Variants in MED17 observed in about 807,000 individuals in gnomAD.
MED17 encodes the protein mediator complex subunit 17.
Under a neutral mutation model 80.8 loss-of-function variants are expected in MED17, and 49 were observed. The ratio of observed to expected loss-of-function variants is 0.61; its 90% CI spans 0.48 to 0.77. The LOEUF is 0.77. Ranked by LOEUF, MED17 falls within the 30% of genes least tolerant of loss-of-function variation. The pLI, the probability that MED17 is intolerant of heterozygous loss-of-function variation, is 0.00. For synonymous variants in MED17, 281 were observed against 280.4 expected (o/e 1.00, Z -0.02); for missense variants, 718 against 787.0 (o/e 0.91, Z 1.05).
intron 10 of MED17, chr11:93,808,369 TAAAAAAAAAA>T: frequency 9.3e-6 from 1 of 107,734 alleles, no homozygotes; most frequent in Non-Finnish European, 1.8e-5. Context: ...CATCTCTTTT[TAAAAAAAAAA>T]AAAAAAAAAA....
chr11:93,806,855 T>G (rs940680595), intron 9 of MED17: 4 of 152,236 alleles, frequency 2.6e-5, no homozygotes, highest in Non-Finnish European at 5.9e-5. Context: ...GTGGAAACCA[T>G]GCCTATGGAG....
chr11:93,805,054 A>T (rs780040841), intron 9 of MED17, among the ~76,000 whole-genome samples: 2 of 152,266 alleles, frequency 1.3e-5, no homozygotes, highest in Non-Finnish European at 2.9e-5. Flanking sequence ...AGAAATGCAG[A>T]CAAGACACAT....
At chr11:93,793,634 A>T in intron 3 of MED17, 94 bp from the exon 4 acceptor site, 1 of 930,508 alleles carries the variant, frequency 1.1e-6, no homozygotes, top group African/African-American at 1.7e-5. Context: ...TTTGTGATTC[A>T]GTGATGTGGA....
Position 93,795,070 on chromosome 11 carries a change from G to A in MED17, c.1012+10G>A, listed in dbSNP as rs1449531256. On this transcript the variant is annotated intron_variant, in intron 6 of 11. Transcript: ENST00000251871. ...TCTCAGCCCTTTCCGAGTAAGAGCA[G>A]CCCTTTTTCGACTTTATGAACAGGA... The A allele has an allele frequency of 1.9e-6, 3 of 1,614,052 alleles. No homozygotes were observed. The highest frequency in any genetic ancestry group is 2.5e-6 in the Non-Finnish European group (3 of 1,179,978).
In MED17 at chr11:93,790,608, A is replaced by G; in HGVS notation, c.452A>G (p.Lys151Arg). Residue 151 changes from lysine (K) to arginine (R), a missense_variant, in exon 3 of 12, where the codon AAG becomes AGG. Lys to Arg is a conservative substitution (Grantham distance 26). Transcript: ENST00000251871. ...ACGTTGCAATTGATATCTAAAAAGA[A>G]GTCACTTGCTGGAGCAGCACAAATC... ...PQTLQLISKK[K>R]SLAGAAQILL... is the part of the protein sequence containing the mutation. 6.2e-7 allele frequency: 1 copy of G among 1,614,190 alleles called. No individual in the cohort carries two copies. Among genetic ancestry groups the G allele is most frequent in the Non-Finnish European group, 8.5e-7 (1 of 1,180,030 alleles).
intron 2 of MED17, chr11:93,789,002 G>A (rs1040760829): frequency 2.0e-5 from 3 of 152,108 alleles, no homozygotes; most frequent in Non-Finnish European, 4.4e-5. Flanking sequence ...TTCATAAACA[G>A]TGTATTCAAT....
At chr11:93,808,021 A>G in intron 10 of MED17, 1 of 274,228 alleles carries the variant, frequency 3.6e-6, no homozygotes, top group Non-Finnish European at 7.1e-6. Context: ...ACCATTATCC[A>G]TAATAAATGA....
intron 5 of MED17, 135 bp from the exon 6 acceptor site, chr11:93,794,773 C>T (rs1268744560): frequency 1.0e-6 from 1 of 953,526 alleles, no homozygotes; most frequent in Non-Finnish European, 1.6e-6. Context: ...TCTATAGAGA[C>T]TGAATAGGAA....
At chr11:93,795,774 G>C (rs965993038) in intron 6 of MED17, 1 of 154,274 alleles carries the variant, frequency 6.5e-6, no homozygotes, top group African/African-American at 2.4e-5. Flanking sequence ...GAGCAGGGAA[G>C]ACTAACTGTC....
chr11:93,801,646 A>C, intron 8 of MED17, 189 bp from the exon 9 acceptor site: 4 of 578,268 alleles, frequency 6.9e-6, no homozygotes, highest in Non-Finnish European at 1.2e-5. Flanking sequence ...CAAGCTGAGA[A>C]CCTACACATT....
chr11:93,790,525 A>C (rs780163634), intron 2 of MED17, 49 bp from the exon 3 acceptor site: 5 of 1,484,610 alleles, frequency 3.4e-6, no homozygotes, highest in Non-Finnish European at 3.7e-6. Context: ...GTAATTTTAG[A>C]GTCATTTAAA....
At chr11:93,790,878 A>C in intron 3 of MED17, 85 bp downstream of exon 3, 1 of 1,200,376 alleles carries the variant, frequency 8.3e-7, no homozygotes, top group Non-Finnish European at 1.2e-6. Flanking sequence ...AGGCCAAGGC[A>C]GTTGGATCAC....
chr11:93,807,342 A>G lies in MED17; in HGVS notation c.1467-176A>G, dbSNP rs150481911. On this transcript the variant is annotated intron_variant, in intron 9 of 11. Coordinates refer to ENST00000251871, the MANE Select transcript of MED17 (RefSeq NM_004268.5). Reference sequence around the variant, plus strand: ...GCAGGAGACTCTCTTGAACTCAGGAAGCGGAGGTTGCAGTGAGCTGAGATC... The same window carrying G: ...GCAGGAGACTCTCTTGAACTCAGGAGGCGGAGGTTGCAGTGAGCTGAGATC... The G allele has an allele frequency of 8.2e-3, 4,560 of 559,306 alleles. 156 individuals carry two copies. The highest frequency in any genetic ancestry group is 0.074 in the African/African-American group (3,922 of 52,918). 34.6% of individuals were successfully genotyped at this position (559,306 alleles called of 1,614,324 possible).
chr11:93,811,409 G>A (rs548228870), intron 11 of MED17: 33 of 183,370 alleles, frequency 1.8e-4, no homozygotes, highest in South Asian at 9.2e-4. Context: ...GGTGGCTCAC[G>A]CCTGTAATCC....
At chr11:93,809,642 A>T in intron 10 of MED17, 75 bp from the exon 11 acceptor site, 1 of 1,520,402 alleles carries the variant, frequency 6.6e-7, no homozygotes, top group Non-Finnish European at 9.1e-7. Flanking sequence ...ACAAAAGTTT[A>T]CTTCATGGTC....
intron 10 of MED17, chr11:93,808,969 TAAC>T (rs1944058572): frequency 6.5e-6 from 1 of 153,662 alleles, no homozygotes; most frequent in African/African-American, 2.4e-5. Flanking sequence ...GTCAGAGTCT[TAAC>T]AAGAAATAGG....
At position 93,796,546 on chromosome 11, in the gene MED17, GAAAT is replaced by G; in HGVS notation, c.1143+11_1143+14del. 6.2e-7 allele frequency: 1 copy of G among 1,613,988 alleles called. No homozygotes were observed. The highest frequency in any genetic ancestry group is 1.6e-4 in the Middle Eastern group (1 of 6,062). On this transcript the variant is annotated splice_region_variant and intron_variant, in intron 7 of 11. Transcript: ENST00000251871. ...TGCATCTACTGATTAGAGAGGTAAG[GAAAT>G]AAATGTTTTTCTTTGCGCTGTGGTG...
intron 3 of MED17, 85 bp from the exon 4 acceptor site, chr11:93,793,643 G>T: frequency 9.9e-7 from 1 of 1,007,810 alleles, no homozygotes; most frequent in Non-Finnish European, 1.5e-6. Context: ...CAGTGATGTG[G>T]ATGTGAAGTA....
chr11:93,803,898 T>G (rs1018830808), intron 9 of MED17, among the ~76,000 whole-genome samples: 25 of 151,506 alleles, frequency 1.7e-4, no homozygotes, highest in African/African-American at 5.6e-4. Context: ...GAATGCCCTT[T>G]TCCTCATCTT....
Sources: allele counts gnomAD v4.1 joint callset (sites outside exome capture counted in the v4.1 genomes callset), GRCh38; gene constraint gnomAD v4.1.1; transcripts MANE v1.5; gene names NCBI Gene and HGNC (gene_info 2026-07-23, HGNC 2026-07-21).